Variants in LTBP4 observed in about 807,000 individuals in gnomAD.
LTBP4 encodes latent transforming growth factor beta binding protein 4.
LTBP4 carries 93 observed loss-of-function variants against 180.2 expected under a neutral mutation model. That is an observed-to-expected ratio of 0.52 (90% CI 0.44 to 0.61). The LOEUF is 0.61. Ranked by LOEUF, LTBP4 falls within the 20% of genes least tolerant of loss-of-function variation. The pLI, the probability that LTBP4 is intolerant of heterozygous loss-of-function variation, is 0.00. For synonymous variants in LTBP4, 947 were observed against 934.5 expected, an observed-to-expected ratio of 1.01 and a Z score of -0.24; for missense variants, 2,116 against 2,256.5, an observed-to-expected ratio of 0.94 and a Z score of 1.26.
At position 40,601,567 on chromosome 19, in the gene LTBP4, C is replaced by G. The variant is rs2081424352; in HGVS notation, c.180C>G (p.Pro60=). Residue 60 remains proline, a synonymous_variant, in exon 1 of 30, where the codon CCC becomes CCG. Coordinates refer to ENST00000396819, the MANE Select transcript of LTBP4 (RefSeq NM_001042545.2). The part of the protein sequence containing the change: ...TGSRCTPTCA[P]RNATSVDSGA... ...CCCGCTGTACCCCGACCTGCGCGCC[C>G]CGCAACGCCACCAGCGTGGACAGCG... is the stretch of plus-strand genomic sequence containing the variant. 1 of 1,472,836 alleles carries G rather than the reference C, an allele frequency of 6.8e-7. No homozygotes were observed. Among genetic ancestry groups the G allele is most frequent in the Non-Finnish European group, 8.9e-7 (1 of 1,117,722 alleles). The allele number at this position is 1,472,836 out of a possible 1,614,324, so 91.2% of individuals were successfully genotyped here. A position where few individuals can be genotyped will look rare whatever the true frequency, so the allele number is the denominator to read the frequency against.
chr19:40,593,685 T>A (rs2081377304), intron 1 of LTBP4, among the ~76,000 whole-genome samples: 1 of 135,112 alleles, frequency 7.4e-6, no homozygotes, highest in Non-Finnish European at 1.6e-5. Flanking sequence ...TGCTCACAGA[T>A]CTAGAATATT....
At position 40,611,998 on chromosome 19, in the gene LTBP4, G is replaced by A. The variant is rs1010944421; in HGVS notation, c.2179+14G>A. ...CCGAGTGCGAGGGTGAGGCCGGGGA[G>A]GGAGGGAGGAGTGTGGATGGGTGAG... On this transcript the variant is annotated intron_variant, in intron 14 of 29. Transcript: ENST00000396819. This position sits in a 1 kb window ranked among gnomAD's most constrained non-coding sequence, Gnocchi z 4.4. 3 of 1,611,702 alleles carry A rather than the reference G, an allele frequency of 1.9e-6. No individual in the cohort carries two copies. The highest frequency in any genetic ancestry group is 2.5e-6 in the Non-Finnish European group (3 of 1,178,646).
chr19:40,600,034 G>C (rs1343438272), upstream of LTBP4: 5 of 1,160,916 alleles, frequency 4.3e-6, no homozygotes, highest in East Asian at 1.3e-4. The surrounding 1 kb of genome is among the most constrained non-coding windows in gnomAD (Gnocchi z 4.4). Context: ...AGTTTAACCC[G>C]GTGACAGCAG....
Position 40,606,274 on chromosome 19 carries a change from A to G in LTBP4, c.835A>G (p.Thr279Ala). The change falls in exon 5 of 30, where the codon ACC (threonine) becomes GCC (alanine). Residue 279 changes from threonine (T) to alanine (A), a missense_variant. Around this residue, in one of 5 missense-constraint regions of LTBP4, gnomAD observed 469 missense variants for 532.5 expected, o/e 0.88. Transcript: ENST00000396819. The stretch of plus-strand genomic sequence containing the variant: ...GAGCGCCCCAGATGGACCTTGTCCA[A>G]CCGGCTTTGAAAGAGTTAATGGGTC... Reference protein sequence around the residue: ...RVSAPDGPCPTGFERVNGSCE... With the variant: ...RVSAPDGPCPAGFERVNGSCE... 1 of 1,600,634 alleles carries G rather than the reference A, an allele frequency of 6.2e-7. No individual in the cohort carries two copies. The highest frequency in any genetic ancestry group is 2.2e-5 in the East Asian group (1 of 44,468).
chr19:40,593,232 C>T (rs2081375373), intron 1 of LTBP4: 6 of 1,609,644 alleles, frequency 3.7e-6, no homozygotes, highest in Admixed American at 3.3e-5. Context: ...CACCTCAAAC[C>T]CTAATTTTGT....
At chr19:40,623,894 G>A (rs1568413479) in intron 25 of LTBP4, 42 bp from the exon 26 acceptor site, 1 of 1,609,976 alleles carries the variant, frequency 6.2e-7, no homozygotes, top group Non-Finnish European at 8.5e-7. Context: ...GGAAAGGGTG[G>A]GGAGAGTTGA....
chr19:40,609,854 G>A lies in LTBP4; in HGVS notation c.1667G>A (p.Arg556Gln), dbSNP rs934366895. 11 of 1,585,830 alleles carry A rather than the reference G, an allele frequency of 6.9e-6. No individual in the cohort carries two copies. Among genetic ancestry groups the A allele is most frequent in the Non-Finnish European group, 9.4e-6 (11 of 1,164,850 alleles). ...VCGPGFRAGP[R>Q]AAECLDVDEC... ...GGCCCGGGCTTCCGAGCCGGCCCAC[G>A]GGCTGCGGAATGCCTGGGTGAGAAA... Residue 556 changes from arginine (R) to glutamine (Q), a missense_variant, in exon 11 of 30, where the codon CGG becomes CAG. Coordinates refer to ENST00000396819, the MANE Select transcript of LTBP4 (RefSeq NM_001042545.2). The surrounding 1 kb of genome is among the most constrained non-coding windows in gnomAD (Gnocchi z 4.9).
Position 40,609,030 on chromosome 19 carries a change from G to A in LTBP4, c.1426+427G>A, listed in dbSNP as rs4802080. 0.056 allele frequency: 10,428 copies of A among 185,954 alleles called. 510 individuals carry two copies. Among genetic ancestry groups the A allele is most frequent in the East Asian group, 0.22 (1,404 of 6,516 alleles). The allele number at this position is 185,954 out of a possible 1,614,324, so 11.5% of individuals were successfully genotyped here. Reference sequence around the variant, plus strand: ...AGGAATGGTATGGGCAGAGATAAGCGTTTGAAGGGTTGGGTGGTAGTTAGA... The same window carrying A: ...AGGAATGGTATGGGCAGAGATAAGCATTTGAAGGGTTGGGTGGTAGTTAGA... On this transcript the variant is annotated intron_variant, in intron 9 of 29. Coordinates refer to ENST00000396819, the MANE Select transcript of LTBP4 (RefSeq NM_001042545.2). This position sits in a 1 kb window ranked among gnomAD's most constrained non-coding sequence, Gnocchi z 4.9.
rs202196867 is a variant in LTBP4, at chr19:40,594,095, TGG to T, written c.16+918_16+919del. ...TTACAGACGTGAGCCGGCCTTATTC[TGG>T]GGGAGGGGGTGGGGGGGGAGAGAGA... On this transcript the variant is annotated intron_variant, in intron 1 of 32. Transcript: ENST00000204005. 7.7e-3 allele frequency among the ~76,000 whole-genome samples: 982 copies of T among 127,788 alleles called. 12 individuals carry two copies. Among genetic ancestry groups the T allele is most frequent in the African/African-American group, 0.027 (953 of 35,578 alleles). The allele number at this position is 127,788 out of a possible 152,430, so 83.8% of individuals were successfully genotyped here. A position where few individuals can be genotyped will look rare whatever the true frequency, so the allele number is the denominator to read the frequency against.
At position 40,629,187 on chromosome 19, in the gene LTBP4, C is replaced by T. The variant is rs375885692; in HGVS notation, c.4520-209C>T. Reference sequence around the variant, plus strand: ...TAACAAAATCCTAGTGCGGTATGGGCCACCATATCCATCTTACAGAACACG... The same window carrying T: ...TAACAAAATCCTAGTGCGGTATGGGTCACCATATCCATCTTACAGAACACG... On this transcript the variant is annotated intron_variant, in intron 29 of 29. Transcript: ENST00000396819. This position sits in a 1 kb window ranked among gnomAD's most constrained non-coding sequence, Gnocchi z 4.5. Among the ~76,000 whole-genome samples, 394 of 152,250 alleles carry T rather than the reference C, an allele frequency of 2.6e-3. 2 individuals are homozygous for T. Among genetic ancestry groups the T allele is most frequent in the Admixed American group, 3.7e-3 (56 of 15,294 alleles).
chr19:40,608,085 C>G, intron 7 of LTBP4, 135 bp from the exon 8 acceptor site: 4 of 909,002 alleles, frequency 4.4e-6, no homozygotes, highest in Non-Finnish European at 5.1e-6. Context: ...AGGACACCAC[C>G]CCATCCCAGC....
chr19:40,601,261 G>C, upstream of LTBP4: 1 of 745,704 alleles, frequency 1.3e-6, no homozygotes, highest in Non-Finnish European at 1.6e-6. Flanking sequence ...CCGCCGGGGA[G>C]GGAGTGGTGA....
chr19:40,612,966 T>G, intron 15 of LTBP4, 99 bp from the exon 16 acceptor site: 10 of 1,265,932 alleles, frequency 7.9e-6, no homozygotes, highest in Non-Finnish European at 1.1e-5. Flanking sequence ...CTCCAACTCA[T>G]GAGACTTCCC....
rs1310871533 is a variant in LTBP4, at chr19:40,605,244, A to G, written c.442+18A>G. The G allele has an allele frequency of 1.9e-6, 3 of 1,575,816 alleles. No individual in the cohort carries two copies. Among genetic ancestry groups the G allele is most frequent in the Non-Finnish European group, 2.6e-6 (3 of 1,160,444 alleles). On this transcript the variant is annotated intron_variant, in intron 2 of 29. Coordinates refer to ENST00000396819, the MANE Select transcript of LTBP4 (RefSeq NM_001042545.2). This position sits in a 1 kb window ranked among gnomAD's most constrained non-coding sequence, Gnocchi z 5.5. ...CGAGCACGGTGAGGAAAGGGTGGCCAGAGTCCCCTCCGACCCCTGTCAAGC... is the reference window on the plus strand; with the variant it reads ...CGAGCACGGTGAGGAAAGGGTGGCCGGAGTCCCCTCCGACCCCTGTCAAGC...
chr19:40,609,642 C>G lies in LTBP4; in HGVS notation c.1539C>G (p.Pro513=). 6.2e-7 allele frequency: 1 copy of G among 1,613,194 alleles called. No homozygotes were observed. Among genetic ancestry groups the G allele is most frequent in the Non-Finnish European group, 8.5e-7 (1 of 1,179,768 alleles). Residue 513 remains proline (P), a synonymous_variant, in exon 10 of 30, where the codon CCC becomes CCG. Coordinates refer to ENST00000396819, the MANE Select transcript of LTBP4 (RefSeq NM_001042545.2). The surrounding 1 kb of genome is among the most constrained non-coding windows in gnomAD (Gnocchi z 4.9). The part of the protein sequence containing the change: ...CACDSGFRLS[P]QGTRCIDVDE... ...GCGACTCTGGCTTCCGGCTCAGCCCCCAGGGCACCCGATGCATTGGTGAGC... is the reference window on the plus strand; with the variant it reads ...GCGACTCTGGCTTCCGGCTCAGCCCGCAGGGCACCCGATGCATTGGTGAGC...
chr19:40,613,001 C>G lies in LTBP4; in HGVS notation c.2300-64C>G, dbSNP rs2081517942. The G allele has an allele frequency of 1.9e-6, 3 of 1,548,744 alleles. No homozygotes were observed. The highest frequency in any genetic ancestry group is 1.8e-6 in the Non-Finnish European group (2 of 1,136,696). Reference sequence around the variant, plus strand: ...CACCACCTCCCCCAGACACCCTACTCCAAGGGGATTGGTCGGGTGTGTCCC... The same window carrying G: ...CACCACCTCCCCCAGACACCCTACTGCAAGGGGATTGGTCGGGTGTGTCCC... On this transcript the variant is annotated intron_variant, in intron 15 of 29. Coordinates refer to ENST00000396819, the MANE Select transcript of LTBP4 (RefSeq NM_001042545.2). This position sits in a 1 kb window ranked among gnomAD's most constrained non-coding sequence, Gnocchi z 5.0.
rs751596321 is a variant in LTBP4 at position 40,605,423 on chromosome 19, G to A, written c.461G>A (p.Ser154Asn). Reference protein sequence around the residue: ...DDEHGVASMVSVHVEHPQEAS... With the variant: ...DDEHGVASMVNVHVEHPQEAS... ...CCCCTAGGCGTGGCATCTATGGTGA[G>A]CGTCCACGTGGAGCACCCGCAGGAG... is the stretch of plus-strand genomic sequence containing the variant. The change falls in exon 3 of 30, where the codon AGC (serine) becomes AAC (asparagine). Residue 154 changes from serine to asparagine, a missense_variant. Physicochemically the swap from Ser to Asn is conservative, Grantham distance 46. Around this residue, in one of 5 missense-constraint regions of LTBP4, gnomAD observed 469 missense variants for 532.5 expected, o/e 0.88. Coordinates refer to ENST00000396819, the MANE Select transcript of LTBP4 (RefSeq NM_001042545.2). The surrounding 1 kb of genome is among the most constrained non-coding windows in gnomAD (Gnocchi z 5.5). 7.4e-6 allele frequency: 12 copies of A among 1,612,812 alleles called. No homozygotes were observed. The highest frequency in any genetic ancestry group is 1.1e-5 in the South Asian group (1 of 91,090).
chr19:40,621,042 A>G (rs1288494483), intron 22 of LTBP4, among the ~76,000 whole-genome samples: 2 of 151,932 alleles, frequency 1.3e-5, no homozygotes, highest in African/African-American at 4.8e-5. Context: ...CCCTGGTTCA[A>G]GTGATTCTCC....
rs1407483326 is a variant in LTBP4 at position 40,611,572 on chromosome 19, C to A, written c.2053+178C>A. On this transcript the variant is annotated intron_variant, in intron 13 of 29. Transcript: ENST00000396819. The surrounding 1 kb of genome is among the most constrained non-coding windows in gnomAD (Gnocchi z 4.4). ...CAACAAAATAAGGCAGTCCTCCCCA[C>A]CCCTCCTCCCTTTTTGAAAGATACT... 2.6e-5 allele frequency among the ~76,000 whole-genome samples: 4 copies of A among 152,206 alleles called. No individual in the cohort carries two copies. The highest frequency in any genetic ancestry group is 5.9e-5 in the Non-Finnish European group (4 of 68,032).
Sources: allele counts gnomAD v4.1 joint callset (sites outside exome capture counted in the v4.1 genomes callset), GRCh38; gene constraint gnomAD v4.1.1; regional missense constraint gnomAD v4.1.1; non-coding constraint Gnocchi (gnomAD v3.1); transcripts MANE v1.5; gene names NCBI Gene and HGNC (gene_info 2026-07-23, HGNC 2026-07-21).